DUOX1: variants seen among roughly 807,000 people sequenced by gnomAD.
DUOX1 encodes the protein NADPH thyroid oxidase 1.
Under a neutral mutation model 181.8 loss-of-function variants are expected in DUOX1, and 134 were observed. The ratio of observed to expected loss-of-function variants is 0.74; its 90% confidence interval spans 0.64 to 0.85. The LOEUF (loss-of-function observed/expected upper bound fraction) is 0.85, where lower values mean the gene tolerates loss of function less well. Ranked by LOEUF, DUOX1 falls within the 40% of genes least tolerant of loss-of-function variation. The pLI is 0.00. For synonymous variants in DUOX1, 798 were observed against 832.5 expected (o/e 0.96, Z 0.71); for missense variants, 1,814 against 2,064.4 (o/e 0.88, Z 2.35).
chr15:45,147,856 TCAGG>T, intron 19 of DUOX1, 44 bp from the exon 20 acceptor site: 1 of 1,559,444 alleles, frequency 6.4e-7, no homozygotes, highest in Non-Finnish European at 8.8e-7. Flanking sequence ...GCCTGGGGGT[TCAGG>T]CAGGCAGGCG....
intron 25 of DUOX1, chr15:45,153,113 C>T (rs12908943): frequency 0.31 from 126,131 of 409,154 alleles, 20,612 homozygotes; most frequent in Admixed American, 0.37. Flanking sequence ...CCCAGCTACT[C>T]AGGAGGCTGA....
At chr15:45,144,283 G>A (rs765724132) in intron 17 of DUOX1, 48 bp downstream of exon 17, 2 of 1,601,294 alleles carry the variant, frequency 1.2e-6, no homozygotes, top group South Asian at 2.2e-5. Flanking sequence ...CAAGGCCAGG[G>A]AGGCAGCCAG....
rs189866261 is a variant in DUOX1, at chr15:45,151,540, C to A, written c.3014+292C>A. 1.4e-4 allele frequency among the ~76,000 whole-genome samples: 21 copies of A among 152,200 alleles called. No individual in the cohort carries two copies. In the East Asian group the frequency reaches 3.9e-3, roughly 28 times the overall value. ...TTCATGGAAGAGGTGTCCTTTGAGT[C>A]TCTAGTAAAGGCTGAATATGGGCGC... On this transcript the variant is annotated intron_variant, in intron 23 of 33. Transcript: ENST00000389037.
chr15:45,153,282 G>A (rs898286584), intron 25 of DUOX1, 98 bp from the exon 26 acceptor site: 19 of 819,618 alleles, frequency 2.3e-5, no homozygotes, highest in Non-Finnish European at 3.4e-5. Context: ...TACTTCTCTG[G>A]GACCCCCACT....
rs139626200 is a variant in DUOX1, at chr15:45,164,879, C to T, written c.4634C>T (p.Ser1545Phe). 2.0e-4 allele frequency: 328 copies of T among 1,614,154 alleles called. 1 individual carries two copies. In the Middle Eastern group the frequency reaches 2.1e-3, roughly 11 times the overall value. Residue 1545 changes from serine (S) to phenylalanine (F), a missense_variant, in exon 34 of 34, where the codon TCC (serine) becomes TTC (phenylalanine). By Grantham distance (155) the Ser-to-Phe change is radical. Transcript: ENST00000389037. ...LINRQDRTHF[S>F]HHYENF Reference sequence around the variant, plus strand: ...AACAGGCAGGACCGGACTCACTTCTCCCACCATTATGAGAACTTCTAGGCC... The same window carrying T: ...AACAGGCAGGACCGGACTCACTTCTTCCACCATTATGAGAACTTCTAGGCC...
intron 1 of DUOX1, among the ~76,000 whole-genome samples, chr15:45,131,284 C>G (rs1185994881): frequency 1.3e-5 from 2 of 152,206 alleles, no homozygotes; most frequent in African/African-American, 2.4e-5. Context: ...GAAGCTTGCA[C>G]TAAATACATG....
In DUOX1 at chr15:45,141,832, C is replaced by A. The variant is rs898840724; in HGVS notation, c.1685-143C>A. The A allele has an allele frequency of 2.7e-5, 22 of 811,040 alleles. 1 individual carries two copies. The highest frequency in any genetic ancestry group is 7.4e-4 in the Middle Eastern group (2 of 2,720). The allele number at this position is 811,040 out of a possible 1,614,324, so 50.2% of individuals were successfully genotyped here. ...ATGGAGGTTGGGATTCATTTTTTAC[C>A]CCACTTGTTACCCAAGGCAGCCCCT... On this transcript the variant is annotated intron_variant, in intron 14 of 33. Coordinates refer to ENST00000389037, the MANE Select transcript of DUOX1 (RefSeq NM_175940.3).
chr15:45,132,559 G>A (rs936191800), intron 2 of DUOX1, among the ~76,000 whole-genome samples: 1 of 152,188 alleles, frequency 6.6e-6, no homozygotes, highest in Non-Finnish European at 1.5e-5. Context: ...GGAGGGAAGT[G>A]GGCCTACAGT....
chr15:45,152,368 C>T lies in DUOX1; in HGVS notation c.3276C>T (p.Ser1092=). The change falls in exon 25 of 34, where the codon AGC becomes AGT. Residue 1092 remains serine (S), a synonymous_variant. Transcript: ENST00000389037. ...GIILSRGTAA[S]ISFMFSYILL... ...TCCTGTCGCGGGGCACAGCAGCCAG[C>T]ATCTCTTTCATGTTCTCCTACATCT... 1 of 1,614,244 alleles carries T rather than the reference C, an allele frequency of 6.2e-7. No homozygotes were observed. The highest frequency in any genetic ancestry group is 2.2e-5 in the East Asian group (1 of 44,888).
At position 45,139,180 on chromosome 15, in the gene DUOX1, G is replaced by C. The variant is rs754209295; in HGVS notation, c.1216+12G>C. ...TGAAGATGTGCGGGGTGAGTCTGAG[G>C]CTGTCCCTGCAGGTTGTGAACTCCT... On this transcript the variant is annotated intron_variant, in intron 11 of 33. Transcript: ENST00000389037. The C allele has an allele frequency of 1.9e-6, 3 of 1,614,004 alleles. No individual in the cohort carries two copies. Among genetic ancestry groups the C allele is most frequent in the Admixed American group, 3.3e-5 (2 of 59,992 alleles).
rs747185827 is a variant in DUOX1, at chr15:45,133,993, A to G, written c.142+46A>G. On this transcript the variant is annotated intron_variant, in intron 3 of 33. Transcript: ENST00000389037. Reference sequence around the variant, plus strand: ...GATAGAACCCCAGGGCCAGGGGGGTACTGAGTGCTGCGGGGCAAGAGCTGG... The same window carrying G: ...GATAGAACCCCAGGGCCAGGGGGGTGCTGAGTGCTGCGGGGCAAGAGCTGG... 1.1e-5 allele frequency: 17 copies of G among 1,601,638 alleles called. No individual in the cohort carries two copies. In the Admixed American group the frequency reaches 2.8e-4, roughly 27 times the overall value.
chr15:45,156,836 C>T (rs1183785860), intron 28 of DUOX1, among the ~76,000 whole-genome samples: 7 of 152,194 alleles, frequency 4.6e-5, no homozygotes, highest in Non-Finnish European at 8.8e-5. Flanking sequence ...TCCCTTCACC[C>T]TCCCCTGGGT....
chr15:45,134,241 AC>A lies in DUOX1; in HGVS notation c.240del (p.Asn80LysfsTer13). 2.5e-6 allele frequency: 4 copies of A among 1,588,844 alleles called. No individual in the cohort carries two copies. Among genetic ancestry groups the A allele is most frequent in the Non-Finnish European group, 3.4e-6 (4 of 1,169,798 alleles). ...CTGCCCAACCCCCGAGACCTTAGCA[AC>A]ACCATCTCAAGGGGCCCTGCAGGGC... is the stretch of plus-strand genomic sequence containing the variant. ...PHLPNPRDLSNTISRGPAGLA... is the reference protein window; with the variant it reads ...PHLPNPRDLSXTISRGPAGLA... On this transcript the variant is annotated frameshift_variant, in exon 4 of 34. Coordinates refer to ENST00000389037, the MANE Select transcript of DUOX1 (RefSeq NM_175940.3). LOFTEE classifies it high-confidence loss of function.
At chr15:45,153,625 C>A in intron 26 of DUOX1, 146 bp downstream of exon 26, 1 of 903,336 alleles carries the variant, frequency 1.1e-6, no homozygotes, top group Non-Finnish European at 1.8e-6. Flanking sequence ...GGTTACAGGA[C>A]AGACAGTGAC....
At chr15:45,139,741 C>T in intron 12 of DUOX1, 142 bp downstream of exon 12, 1 of 933,872 alleles carries the variant, frequency 1.1e-6, no homozygotes, top group Non-Finnish European at 1.6e-6. Flanking sequence ...TCACTTTTCC[C>T]AATATTACAT....
chr15:45,130,706 C>A (rs1299271408), intron 1 of DUOX1, among the ~76,000 whole-genome samples: 1 of 152,220 alleles, frequency 6.6e-6, no homozygotes, highest in Admixed American at 6.5e-5. Flanking sequence ...TTAAGCATGT[C>A]CACCTTCCTC....
intron 17 of DUOX1, 107 bp from the exon 18 acceptor site, chr15:45,144,788 C>G: frequency 8.7e-7 from 1 of 1,151,564 alleles, no homozygotes; most frequent in South Asian, 1.5e-5. Flanking sequence ...GAAATAATAT[C>G]CCTTTTTCAA....
chr15:45,138,015 G>T lies in DUOX1; in HGVS notation c.1113+1G>T. The T allele has an allele frequency of 6.2e-7, 1 of 1,604,678 alleles. No individual in the cohort carries two copies. The highest frequency in any genetic ancestry group is 1.7e-4 in the Middle Eastern group (1 of 6,036). On this transcript the variant is annotated splice_donor_variant, in intron 10 of 33. Transcript: ENST00000389037. LOFTEE classifies it high-confidence loss of function. ...CTGCAACAGCTACTGGAGCCGTGAG[G>T]TCCGAGCTGGGGGCCACATATGTGG...
rs1896961866 is a variant in DUOX1, at chr15:45,156,016, T to C, written c.3702+87T>C. The C allele has an allele frequency of 3.2e-6, 5 of 1,552,478 alleles. No homozygotes were observed. In the Admixed American group the frequency reaches 5.2e-5, roughly 16 times the overall value. ...AAGGAGAGCTGGGACATTCATTCAA[T>C]TTCTAGCTATTTGAAGCATCCTCTT... On this transcript the variant is annotated intron_variant, in intron 28 of 33. Coordinates refer to ENST00000389037, the MANE Select transcript of DUOX1 (RefSeq NM_175940.3).
Sources: allele counts gnomAD v4.1 joint callset (sites outside exome capture counted in the v4.1 genomes callset), GRCh38; gene constraint gnomAD v4.1.1; transcripts MANE v1.5; gene names NCBI Gene and HGNC (gene_info 2026-07-23, HGNC 2026-07-21).